ADAMTS16: variants seen among roughly 807,000 people sequenced by gnomAD.
The protein encoded by ADAMTS16 is A disintegrin and metalloproteinase with thrombospondin motifs 16.
Under a neutral mutation model 145.8 loss-of-function variants are expected in ADAMTS16, and 94 were observed. The observed-to-expected ratio is 0.64, with a 90% CI of 0.55 to 0.77. ADAMTS16 has a LOEUF of 0.77. Ranked by LOEUF, ADAMTS16 falls within the 30% of genes least tolerant of loss-of-function variation. The pLI, the probability that ADAMTS16 is intolerant of heterozygous loss-of-function variation, is 0.00. For synonymous variants in ADAMTS16, 659 were observed against 604.3 expected (o/e 1.09, Z -1.33); for missense variants, 1,585 against 1,591.5 (o/e 1.00, Z 0.07).
At position 5,235,088 on chromosome 5, in the gene ADAMTS16, G is replaced by A. The variant is rs202081208; in HGVS notation, c.1925G>A (p.Arg642Gln). Residue 642 changes from arginine (R) to glutamine (Q), a missense_variant, in exon 13 of 23, where the codon CGG becomes CAG. Physicochemically the swap from Arg to Gln is conservative, Grantham distance 43 (BLOSUM62 1). Coordinates refer to ENST00000274181, the MANE Select transcript of ADAMTS16 (RefSeq NM_139056.4). ...CTCTGCAACAGTCAGAAATGTCCCC[G>A]GGACAGTGTTGACTTCCGTGCTGCT... is the stretch of plus-strand genomic sequence containing the variant. Reference protein sequence around the residue: ...LKLCNSQKCPRDSVDFRAAQC... With the variant: ...LKLCNSQKCPQDSVDFRAAQC... 322 of 1,607,822 alleles carry A rather than the reference G, an allele frequency of 2.0e-4. 1 individual carries two copies. The highest frequency in any genetic ancestry group is 2.0e-3 in the Middle Eastern group (12 of 6,040).
chr5:5,171,010 A>G (rs1393995771), intron 3 of ADAMTS16, among the ~76,000 whole-genome samples: 2 of 151,954 alleles, frequency 1.3e-5, no homozygotes, highest in Admixed American at 6.6e-5. Flanking sequence ...ATTCCTAGGT[A>G]TTGTATTTTA....
chr5:5,232,471 G>A lies in ADAMTS16; in HGVS notation c.1805G>A (p.Cys602Tyr), dbSNP rs753926790. 6.2e-7 allele frequency: 1 copy of A among 1,614,034 alleles called. No homozygotes were observed. Among genetic ancestry groups the A allele is most frequent in the East Asian group, 2.2e-5 (1 of 44,878 alleles). ...TCTTGGTCCCCATGCTCCAGGACCT[G>A]CGGAGGGGGAGTATCTCATAGGAGT... ...WSSWSPCSRT[C>Y]GGGVSHRSRL... Residue 602 changes from cysteine to tyrosine, a missense_variant, in exon 12 of 23, where the codon TGC becomes TAC. Around this residue, in one of 3 missense-constraint regions of ADAMTS16, gnomAD observed 298 missense variants for 367.6 expected, o/e 0.81. Coordinates refer to ENST00000274181, the MANE Select transcript of ADAMTS16 (RefSeq NM_139056.4).
At chr5:5,296,981 A>C (rs548388455) in intron 18 of ADAMTS16, among the ~76,000 whole-genome samples, 1 of 152,306 alleles carries the variant, frequency 6.6e-6, no homozygotes, top group African/African-American at 2.4e-5. Flanking sequence ...CAGCACAGAA[A>C]CCTGAAGAGG....
chr5:5,179,342 G>C (rs932059134), intron 3 of ADAMTS16, among the ~76,000 whole-genome samples: 3 of 151,880 alleles, frequency 2.0e-5, no homozygotes, highest in African/African-American at 7.3e-5. Context: ...CATCTTCTGA[G>C]GGGGGGTTTG....
intron 18 of ADAMTS16, among the ~76,000 whole-genome samples, chr5:5,279,902 T>C (rs1203563031): frequency 4.9e-5 from 2 of 40,618 alleles, no homozygotes; most frequent in East Asian, 7.5e-4. Flanking sequence ...CCTTCTTTCT[T>C]TTCTTTTCTT....
intron 21 of ADAMTS16, among the ~76,000 whole-genome samples, chr5:5,311,414 T>C (rs1740433148): frequency 6.6e-6 from 1 of 152,204 alleles, no homozygotes; most frequent in South Asian, 2.1e-4. Context: ...GGAATCTTTT[T>C]TCGGTATTAG....
At chr5:5,284,042 T>G (rs1044309618) in intron 18 of ADAMTS16, among the ~76,000 whole-genome samples, 2 of 152,254 alleles carry the variant, frequency 1.3e-5, no homozygotes, top group African/African-American at 4.8e-5. Flanking sequence ...TTTAACTTTT[T>G]TAATGTTTAC....
At chr5:5,225,609 A>C (rs918013929) in intron 11 of ADAMTS16, among the ~76,000 whole-genome samples, 1 of 152,016 alleles carries the variant, frequency 6.6e-6, no homozygotes, top group Admixed American at 6.6e-5. Context: ...TTCAAAAAAA[A>C]AAAAGGAAAG....
chr5:5,185,993 C>A (rs565024983), intron 4 of ADAMTS16, 59 bp from the exon 5 acceptor site: 1 of 1,450,420 alleles, frequency 6.9e-7, no homozygotes, highest in East Asian at 2.3e-5. Flanking sequence ...TGACGAGTTA[C>A]GGCCCTGATT....
rs371783021 is a variant in ADAMTS16, at chr5:5,239,049, T to G, written c.2155-102T>G. ...TTAACTACCCTATGTTGGTGAAATTTTCAACTCTAGTGGGGAGGAGGTTTC... is the reference window on the plus strand; with the variant it reads ...TTAACTACCCTATGTTGGTGAAATTGTCAACTCTAGTGGGGAGGAGGTTTC... On this transcript the variant is annotated intron_variant, in intron 14 of 22. Coordinates refer to ENST00000274181, the MANE Select transcript of ADAMTS16 (RefSeq NM_139056.4). The G allele has an allele frequency of 2.6e-3, 3,398 of 1,309,784 alleles. 15 individuals are homozygous for G. Among genetic ancestry groups the G allele is most frequent in the Non-Finnish European group, 2.2e-3 (2,242 of 999,842 alleles). The allele number at this position is 1,309,784 out of a possible 1,614,324, so 81.1% of individuals were successfully genotyped here. A position where few individuals can be genotyped will look rare whatever the true frequency, so the allele number is the denominator to read the frequency against.
intron 9 of ADAMTS16, among the ~76,000 whole-genome samples, chr5:5,206,221 T>C (rs972333364): frequency 3.3e-4 from 49 of 150,166 alleles, no homozygotes; most frequent in Non-Finnish European, 3.3e-4. Context: ...GGTCAGGAGA[T>C]CGAGACCATC....
At chr5:5,140,640 C>T (rs1205112544) in intron 1 of ADAMTS16, 24 bp from the exon 2 acceptor site, 4 of 1,535,320 alleles carry the variant, frequency 2.6e-6, no homozygotes, top group Non-Finnish European at 3.5e-6. Context: ...CGTCTCACCG[C>T]GATGTCGCCG....
chr5:5,222,020 C>G (rs1736620316), intron 10 of ADAMTS16, among the ~76,000 whole-genome samples: 1 of 152,198 alleles, frequency 6.6e-6, no homozygotes, highest in Non-Finnish European at 1.5e-5. Context: ...CGCCAGCATT[C>G]CAGAAGGTTC....
intron 11 of ADAMTS16, among the ~76,000 whole-genome samples, chr5:5,226,842 C>T (rs1413447412): frequency 1.3e-5 from 2 of 152,212 alleles, no homozygotes; most frequent in African/African-American, 4.8e-5. Flanking sequence ...GTGCAGTCCC[C>T]ATTGGACATT....
rs762164586 is a variant in ADAMTS16 at position 5,262,742 on chromosome 5, C to A, written c.2748C>A (p.Val916=). Residue 916 remains valine, a synonymous_variant, in exon 18 of 23, where the codon GTC becomes GTA. Transcript: ENST00000274181. Reference sequence around the variant, plus strand: ...TCTGCAATCCCAAGACACGACCTGTCACGGGGCTGGTGCCTTGCAAAGTAT... The same window carrying A: ...TCTGCAATCCCAAGACACGACCTGTAACGGGGCTGGTGCCTTGCAAAGTAT... ...MSFCNPKTRP[V]TGLVPCKVSA... 1 of 1,614,220 alleles carries A rather than the reference C, an allele frequency of 6.2e-7. No homozygotes were observed. Among genetic ancestry groups the A allele is most frequent in the South Asian group, 1.1e-5 (1 of 91,080 alleles).
At chr5:5,160,273 T>C (rs1338459139) in intron 3 of ADAMTS16, among the ~76,000 whole-genome samples, 2 of 152,246 alleles carry the variant, frequency 1.3e-5, no homozygotes, top group Non-Finnish European at 2.9e-5. Flanking sequence ...TTTCTAGTGT[T>C]GCTTTGACAT....
At chr5:5,173,366 T>C (rs923765822) in intron 3 of ADAMTS16, among the ~76,000 whole-genome samples, 1 of 152,200 alleles carries the variant, frequency 6.6e-6, no homozygotes, top group South Asian at 2.1e-4. Context: ...GGTTATTTTC[T>C]CTGTGGTATG....
intron 11 of ADAMTS16, among the ~76,000 whole-genome samples, chr5:5,232,039 G>T (rs539342717): frequency 6.6e-6 from 1 of 152,282 alleles, no homozygotes; most frequent in African/African-American, 2.4e-5. Flanking sequence ...AGAGTTCACC[G>T]ACTTGGGAGT....
intron 20 of ADAMTS16, among the ~76,000 whole-genome samples, chr5:5,304,986 ACAC>A (rs1342938650): frequency 3.3e-5 from 4 of 121,000 alleles, no homozygotes; most frequent in Middle Eastern, 4.2e-3. Flanking sequence ...CACACATCCT[ACAC>A]CACACACACA....
Sources: allele counts gnomAD v4.1 joint callset (sites outside exome capture counted in the v4.1 genomes callset), GRCh38; gene constraint gnomAD v4.1.1; regional missense constraint gnomAD v4.1.1; transcripts MANE v1.5; gene names NCBI Gene and HGNC (gene_info 2026-07-23, HGNC 2026-07-21).